NCAPD3: variants seen among roughly 807,000 people sequenced by gnomAD.
The protein encoded by NCAPD3 is condensin-2 complex subunit D3.
In NCAPD3, 105 loss-of-function variants were observed where a neutral mutation model predicts 182.9. That is an observed-to-expected ratio of 0.57 (90% CI 0.49 to 0.68). The LOEUF is 0.68. Ranked by LOEUF, NCAPD3 falls within the 30% of genes least tolerant of loss-of-function variation. The pLI is 0.00. For synonymous variants in NCAPD3, 815 were observed against 679.9 expected (o/e 1.20, Z -3.09); for missense variants, 1,944 against 1,837.0 (o/e 1.06, Z -1.07).
Position 134,164,020 on chromosome 11 carries a change from G to A in NCAPD3, c.3574-2129C>T, listed in dbSNP as rs150693736. Among the ~76,000 whole-genome samples the A allele has an allele frequency of 9.6e-3, 1,456 of 152,240 alleles. 8 individuals carry two copies. Among genetic ancestry groups the A allele is most frequent in the Middle Eastern group, 0.017 (5 of 294 alleles). On this transcript the variant is annotated intron_variant, in intron 27 of 34. Transcript: ENST00000534548. Reference sequence around the variant, plus strand: ...AAGCTTAAATAAGGTCAGAACTAGAGAGATAGATTGGTAAGAGAAAACAGG... The same window carrying A: ...AAGCTTAAATAAGGTCAGAACTAGAAAGATAGATTGGTAAGAGAAAACAGG...
At chr11:134,188,771 G>A (rs538366208) in intron 16 of NCAPD3, among the ~76,000 whole-genome samples, 4 of 152,240 alleles carry the variant, frequency 2.6e-5, no homozygotes, top group Non-Finnish European at 5.9e-5. Flanking sequence ...CATGCATCGC[G>A]AAGGTCTGCG....
intron 27 of NCAPD3, among the ~76,000 whole-genome samples, chr11:134,166,035 ACACT>A (rs1306878440): frequency 3.6e-5 from 4 of 112,030 alleles, no homozygotes; most frequent in Non-Finnish European, 5.3e-5. Flanking sequence ...GGGGAGGCGC[ACACT>A]CACTAGTGAG....
intron 16 of NCAPD3, among the ~76,000 whole-genome samples, chr11:134,189,601 GAAC>G (rs1416039942): frequency 6.6e-6 from 1 of 152,034 alleles, no homozygotes; most frequent in African/African-American, 2.4e-5. Flanking sequence ...AATGCTCAGA[GAAC>G]ATTATCCTAT....
chr11:134,225,356 C>G (rs770428362), upstream of NCAPD3: 3 of 1,612,880 alleles, frequency 1.9e-6, no homozygotes, highest in South Asian at 3.3e-5. Flanking sequence ...GTGAGTCGAC[C>G]CCCGGGACCC....
chr11:134,169,126 C>G (rs2305381), intron 24 of NCAPD3, 72 bp from the exon 25 acceptor site: 8 of 1,482,606 alleles, frequency 5.4e-6, no homozygotes, highest in Non-Finnish European at 7.3e-6. Context: ...ACACCAAGAA[C>G]TCTGCTGAGC....
chr11:134,218,110 A>AAGGGG (rs1491564516), intron 2 of NCAPD3, among the ~76,000 whole-genome samples: 1 of 59,550 alleles, frequency 1.7e-5, no homozygotes, highest in Non-Finnish European at 3.1e-5. Context: ...AAAAAAAAAA[A>AAGGGG]GGGGGGGGGG....
At chr11:134,207,744 A>C (rs1591858868) in intron 7 of NCAPD3, among the ~76,000 whole-genome samples, 2 of 62,384 alleles carry the variant, frequency 3.2e-5, no homozygotes, top group Admixed American at 1.4e-4. Flanking sequence ...CTGCGTCTCA[A>C]AAAAAAAAAA....
chr11:134,165,310 C>T (rs1013786173), intron 27 of NCAPD3, among the ~76,000 whole-genome samples: 1 of 150,776 alleles, frequency 6.6e-6, no homozygotes, highest in African/African-American at 2.4e-5. Context: ...AAGCTGCACA[C>T]TCACTTGTGA....
upstream of NCAPD3, chr11:134,224,167 T>C (rs986076093): frequency 6.7e-6 from 4 of 594,766 alleles, no homozygotes; most frequent in Non-Finnish European, 1.2e-5. Context: ...CGCTAATTCG[T>C]TCGAGAAGGA....
At chr11:134,158,728 A>C (rs533629827) in intron 29 of NCAPD3, among the ~76,000 whole-genome samples, 16 of 152,172 alleles carry the variant, frequency 1.1e-4, no homozygotes, top group Non-Finnish European at 2.2e-4. Context: ...GTAAATTGTT[A>C]AACTGTAATA....
chr11:134,209,165 T>G lies in NCAPD3; in HGVS notation c.774A>C (p.Glu258Asp), dbSNP rs770524104. The G allele has an allele frequency of 3.1e-6, 5 of 1,613,578 alleles. No individual in the cohort carries two copies. In the South Asian group the frequency reaches 5.5e-5, roughly 18 times the overall value. Residue 258 changes from glutamate (E) to aspartate (D), a missense_variant, in exon 6 of 35, where the codon GAA (glutamate) becomes GAC (aspartate). By Grantham distance (45) the Glu-to-Asp change is conservative (BLOSUM62 2). Transcript: ENST00000534548. ...CTCACCTGGCTTGTGTAACATGACA[T>G]TCATGAAGAACTGGCTCAAAATTAG... ...SLTNFEPVLH[E>D]CHVTQARALN...
chr11:134,168,715 C>T, intron 25 of NCAPD3, 113 bp from the exon 26 acceptor site: 3 of 1,444,010 alleles, frequency 2.1e-6, no homozygotes, highest in Non-Finnish European at 2.8e-6. Flanking sequence ...CAGTGCACTA[C>T]AGAGATCCCA....
chr11:134,191,575 T>A (rs1436188771), intron 16 of NCAPD3, among the ~76,000 whole-genome samples: 1 of 152,240 alleles, frequency 6.6e-6, no homozygotes, highest in Non-Finnish European at 1.5e-5. Flanking sequence ...AGGCCTCTCC[T>A]GCTTTTTTGC....
Position 134,177,427 on chromosome 11 carries a change from G to A in NCAPD3, c.2813C>T (p.Ala938Val). ...GKLCLQHEDLAKKSIPALVRE... is the reference protein window; with the variant it reads ...GKLCLQHEDLVKKSIPALVRE... ...CACCAGGGCTGGGATGCTCTTCTTT[G>A]CCAGATCCTCGTGCTGTAAGCACAG... Residue 938 changes from alanine to valine, a missense_variant, in exon 23 of 35, where the codon GCA becomes GTA. Physicochemically the swap from Ala to Val is moderately conservative, Grantham distance 64 (BLOSUM62 0). Transcript: ENST00000534548. 1.2e-6 allele frequency: 2 copies of A among 1,614,048 alleles called. No individual in the cohort carries two copies. Among genetic ancestry groups the A allele is most frequent in the South Asian group, 1.1e-5 (1 of 91,086 alleles).
chr11:134,153,743 C>T (rs1943333285), intron 32 of NCAPD3: 2 of 275,608 alleles, frequency 7.3e-6, no homozygotes, highest in Non-Finnish European at 1.4e-5. Flanking sequence ...CTCCTTGCCT[C>T]TGCACCTCCA....
chr11:134,194,734 T>C lies in NCAPD3; in HGVS notation c.1620A>G (p.Arg540=). 3 of 1,603,158 alleles carry C rather than the reference T, an allele frequency of 1.9e-6. No homozygotes were observed. Among genetic ancestry groups the C allele is most frequent in the Non-Finnish European group, 2.6e-6 (3 of 1,174,324 alleles). Residue 540 remains arginine (R), a synonymous_variant, in exon 14 of 35, where the codon AGA becomes AGG. Transcript: ENST00000534548. ...SSGETVGSGE[R]CVMAMLRRRI... is the part of the protein sequence containing the mutation. ...TCCTTCTCAGCATTGCCATGACACA[T>C]CTTTCTGTAGAGGGAATACCAAAGG...
chr11:134,178,770 C>G, intron 21 of NCAPD3, 29 bp from the exon 22 acceptor site: 1 of 1,608,496 alleles, frequency 6.2e-7, no homozygotes, highest in Non-Finnish European at 8.5e-7. Flanking sequence ...AAGTTACCGA[C>G]AGAACCTTGA....
In NCAPD3 at chr11:134,161,911, C is replaced by T. The variant is rs369050813; in HGVS notation, c.3574-20G>A. On this transcript the variant is annotated intron_variant, in intron 27 of 34. Coordinates refer to ENST00000534548, the MANE Select transcript of NCAPD3 (RefSeq NM_015261.3). ...CTGAACCTGGTAACACAAACAAAGA[C>T]ATGTTTTAGATGTATGAACTTCTGA... 4.0e-5 allele frequency: 54 copies of T among 1,342,196 alleles called. No homozygotes were observed. Among genetic ancestry groups the T allele is most frequent in the Non-Finnish European group, 4.8e-5 (46 of 960,476 alleles). The allele number at this position is 1,342,196 out of a possible 1,614,324, so 83.1% of individuals were successfully genotyped here. A position where few individuals can be genotyped will look rare whatever the true frequency, so the allele number is the denominator to read the frequency against.
rs925023911 is a variant in NCAPD3 at position 134,161,866 on chromosome 11, T to C, written c.3599A>G (p.Asn1200Ser). Reference sequence around the variant, plus strand: ...CAGGGAGATGATAATTGGAATAATATTTTCTATGAAATTCCTCTTCTGAAC... The same window carrying C: ...CAGGGAGATGATAATTGGAATAATACTTTCTATGAAATTCCTCTTCTGAAC... Reference protein sequence around the residue: ...SQVQKRNFIENIIPIIISLKT... With the variant: ...SQVQKRNFIESIIPIIISLKT... The change falls in exon 28 of 35, where the codon AAT becomes AGT. Residue 1200 changes from asparagine to serine, a missense_variant. Around this residue, in one of 3 missense-constraint regions of NCAPD3, gnomAD observed 1,803 missense variants for 1,674.6 expected, o/e 1.08. Transcript: ENST00000534548. 2 of 1,569,628 alleles carry C rather than the reference T, an allele frequency of 1.3e-6. No homozygotes were observed. Among genetic ancestry groups the C allele is most frequent in the Non-Finnish European group, 1.7e-6 (2 of 1,148,746 alleles).
Sources: allele counts gnomAD v4.1 joint callset (sites outside exome capture counted in the v4.1 genomes callset), GRCh38; gene constraint gnomAD v4.1.1; regional missense constraint gnomAD v4.1.1; transcripts MANE v1.5; gene names NCBI Gene and HGNC (gene_info 2026-07-23, HGNC 2026-07-21).